SUDS3: variants seen among roughly 807,000 people sequenced by gnomAD.
SUDS3 encodes SIN3A corepressor complex component SDS3.
SUDS3 carries 23 observed loss-of-function variants against 53.5 expected under a neutral mutation model. That is an observed-to-expected ratio of 0.43 (90% CI 0.31 to 0.61). The LOEUF is 0.61. Among genes scored for constraint, SUDS3 ranks in the 20% least tolerant of loss-of-function variants. The pLI is 0.10. For synonymous variants in SUDS3, 150 were observed against 148.5 expected (o/e 1.01, Z -0.08); for missense variants, 291 against 405.9 (o/e 0.72, Z 2.43).
chr12:118,409,307 C>G (rs1033997236), intron 10 of SUDS3, among the ~76,000 whole-genome samples: 2 of 152,002 alleles, frequency 1.3e-5, no homozygotes, highest in Non-Finnish European at 1.5e-5. Flanking sequence ...CCACCACTCC[C>G]GGCTAATTTT....
At chr12:118,404,563 C>G (rs1334494384) in intron 10 of SUDS3, 1 of 152,206 alleles carries the variant, frequency 6.6e-6, no homozygotes, top group Admixed American at 6.5e-5. Context: ...ACGCTTTCTG[C>G]TAGATATGAA....
At chr12:118,399,763 C>T (rs1427702088) in intron 6 of SUDS3, among the ~76,000 whole-genome samples, 2 of 151,994 alleles carry the variant, frequency 1.3e-5, no homozygotes, top group Admixed American at 6.6e-5. Flanking sequence ...ATTGGATGTC[C>T]CTGAGATACA....
At chr12:118,387,525 T>C (rs1029428390) in intron 4 of SUDS3, among the ~76,000 whole-genome samples, 2 of 152,110 alleles carry the variant, frequency 1.3e-5, no homozygotes, top group African/African-American at 4.8e-5. Context: ...TTCTTCATTC[T>C]GCTCAGACTC....
At chr12:118,410,743 C>T (rs1027017925) in intron 10 of SUDS3, among the ~76,000 whole-genome samples, 2 of 151,934 alleles carry the variant, frequency 1.3e-5, no homozygotes, top group African/African-American at 2.4e-5. Flanking sequence ...ACTATAGGCA[C>T]CTGCCACCAT....
chr12:118,403,023 G>T (rs749436789), intron 9 of SUDS3, among the ~76,000 whole-genome samples: 1 of 152,172 alleles, frequency 6.6e-6, no homozygotes, highest in Non-Finnish European at 1.5e-5. Context: ...CTCCCAAAAT[G>T]CTGGAATCAC....
At chr12:118,401,937 C>G (rs751415861) in intron 8 of SUDS3, 46 bp from the exon 9 acceptor site, 4 of 1,612,936 alleles carry the variant, frequency 2.5e-6, no homozygotes, top group Non-Finnish European at 2.5e-6. Context: ...GAAGTTGCAC[C>G]TGAAATGATT....
intron 11 of SUDS3, among the ~76,000 whole-genome samples, chr12:118,411,949 G>A (rs1488804500): frequency 6.6e-6 from 1 of 152,208 alleles, no homozygotes; most frequent in African/African-American, 2.4e-5. Context: ...ACCTGGCACA[G>A]GGTCTAGCAC....
rs1167765162 is a variant in SUDS3 at position 118,411,151 on chromosome 12, C to T, written c.882C>T (p.Ala294=). The change falls in exon 11 of 12, where the codon GCC becomes GCT. Residue 294 remains alanine (A), a synonymous_variant. Transcript: ENST00000543473. ...GCTGCGTGATCAGTTCTGTAGGAGCCAATGAGGTGGGAACCACACTCCCTC... is the reference window on the plus strand; with the variant it reads ...GCTGCGTGATCAGTTCTGTAGGAGCTAATGAGGTGGGAACCACACTCCCTC... The part of the protein sequence containing the change: ...KLSCVISSVG[A]NEIWVRKTSD... 1.9e-6 allele frequency: 3 copies of T among 1,591,562 alleles called. No individual in the cohort carries two copies. Among genetic ancestry groups the T allele is most frequent in the Non-Finnish European group, 2.6e-6 (3 of 1,168,740 alleles).
At chr12:118,390,078 A>G in intron 5 of SUDS3, 132 bp downstream of exon 5, 1 of 1,136,740 alleles carries the variant, frequency 8.8e-7, no homozygotes, top group Non-Finnish European at 1.3e-6. Context: ...TGTTTGACTT[A>G]AGGACATTTG....
At chr12:118,381,451 C>T (rs560132414) in intron 2 of SUDS3, among the ~76,000 whole-genome samples, 3 of 151,928 alleles carry the variant, frequency 2.0e-5, no homozygotes, top group South Asian at 2.1e-4. Context: ...GGCCTGATCT[C>T]GGCTCACTGC....
chr12:118,397,366 G>A (rs1165813015), intron 6 of SUDS3, among the ~76,000 whole-genome samples: 1 of 152,158 alleles, frequency 6.6e-6, no homozygotes, highest in Non-Finnish European at 1.5e-5. Context: ...CCAGCTCGTT[G>A]CTTACAGTGA....
At position 118,400,699 on chromosome 12, in the gene SUDS3, G is replaced by C. The variant is rs2046256195; in HGVS notation, c.558G>C (p.Arg186=). The C allele has an allele frequency of 6.2e-7, 1 of 1,613,818 alleles. No homozygotes were observed. Among genetic ancestry groups the C allele is most frequent in the Non-Finnish European group, 8.5e-7 (1 of 1,179,882 alleles). Residue 186 remains arginine (R), a synonymous_variant, in exon 7 of 12, where the codon CGG becomes CGC. Transcript: ENST00000543473. ...EVKPIMTRKL[R]RRPNDPVPIP... ...AACCTATCATGACCAGAAAGTTGCG[G>C]AGGCGACCAAATGATCCCGTCCCCA...
At chr12:118,387,770 CAAACTCCTG>C (rs2046128429) in intron 4 of SUDS3, among the ~76,000 whole-genome samples, 1 of 152,130 alleles carries the variant, frequency 6.6e-6, no homozygotes, top group South Asian at 2.1e-4. Flanking sequence ...AGGCTGCTCT[CAAACTCCTG>C]ACCTCAGGTG....
At chr12:118,378,482 CTTTT>C (rs199742125) in intron 1 of SUDS3, among the ~76,000 whole-genome samples, 1 of 137,030 alleles carries the variant, frequency 7.3e-6, no homozygotes. Flanking sequence ...TGTAAGTAAT[CTTTT>C]TTTTTTTTTT....
intron 7 of SUDS3, 98 bp from the exon 8 acceptor site, chr12:118,401,661 A>G (rs1221384583): frequency 5.7e-6 from 6 of 1,044,678 alleles, no homozygotes; most frequent in South Asian, 1.4e-5. Flanking sequence ...ATTTAACAAA[A>G]TCATACTTTG....
At chr12:118,394,732 G>A (rs138769431) in intron 6 of SUDS3, among the ~76,000 whole-genome samples, 2 of 152,146 alleles carry the variant, frequency 1.3e-5, no homozygotes. Context: ...AGTTGCCAAG[G>A]GTGGAGTGCA....
intron 1 of SUDS3, 149 bp from the exon 2 acceptor site, chr12:118,380,013 T>C: frequency 1.5e-6 from 1 of 655,782 alleles, no homozygotes; most frequent in Non-Finnish European, 2.7e-6. Flanking sequence ...ACTAACTGTA[T>C]GTAATGTTTT....
intron 11 of SUDS3, among the ~76,000 whole-genome samples, chr12:118,411,539 C>T (rs2046359701): frequency 2.0e-5 from 3 of 151,812 alleles, no homozygotes. Flanking sequence ...ACTCTGTTGC[C>T]CAGGCTGGAG....
intron 5 of SUDS3, among the ~76,000 whole-genome samples, chr12:118,390,687 A>G (rs1220253722): frequency 1.3e-5 from 2 of 152,204 alleles, no homozygotes; most frequent in South Asian, 4.1e-4. Context: ...TTTTTGTCTT[A>G]GTATAATATC....
Sources: gnomAD v4.1 joint callset for allele counts (sites outside exome capture counted in the v4.1 genomes callset) on GRCh38, gnomAD v4.1.1 for gene constraint, MANE v1.5 for transcripts, NCBI Gene and HGNC (gene_info 2026-07-23, HGNC 2026-07-21) for gene names.